The following GOLIM4 variants were observed in gnomAD, a reference collection of about 807,000 sequenced individuals.
GOLIM4 encodes 130 kDa golgi-localized phosphoprotein.
A neutral mutation model predicts 107.4 loss-of-function variants in GOLIM4; 71 were observed. The observed-to-expected ratio is 0.66, with a 90% CI of 0.55 to 0.81. The LOEUF (loss-of-function observed/expected upper bound fraction) is 0.81. Among genes scored for constraint, GOLIM4 ranks in the 30% least tolerant of loss-of-function variants. The pLI is 0.00. For missense variants in GOLIM4, 830 were observed against 826.1 expected (o/e 1.00, Z -0.06); for synonymous variants, 327 against 294.8 (o/e 1.11, Z -1.12).
chr3:168,055,885 A>G (rs1402246920), intron 1 of GOLIM4, among the ~76,000 whole-genome samples: 4 of 152,158 alleles, frequency 2.6e-5, no homozygotes, highest in Non-Finnish European at 5.9e-5. Context: ...AGTTCAGAAA[A>G]TTTGCAGCCT....
chr3:168,047,714 T>C (rs1330777724), intron 2 of GOLIM4, among the ~76,000 whole-genome samples: 2 of 152,226 alleles, frequency 1.3e-5, no homozygotes, highest in Admixed American at 6.5e-5. Context: ...AAGGCCTGTG[T>C]TTTATGGAAA....
intron 14 of GOLIM4, among the ~76,000 whole-genome samples, chr3:168,019,259 G>A (rs1488860773): frequency 6.6e-6 from 1 of 152,112 alleles, no homozygotes; most frequent in Non-Finnish European, 1.5e-5. Context: ...CACCTCCAAT[G>A]TTCAAAAGCT....
intron 14 of GOLIM4, among the ~76,000 whole-genome samples, chr3:168,013,223 A>T (rs1410807133): frequency 1.3e-5 from 2 of 151,654 alleles, no homozygotes; most frequent in East Asian, 3.9e-4. Context: ...AAACAAAAAA[A>T]GGCAGGGGTT....
At chr3:168,093,129 A>T (rs1375057558) in intron 1 of GOLIM4, among the ~76,000 whole-genome samples, 1 of 152,270 alleles carries the variant, frequency 6.6e-6, no homozygotes, top group East Asian at 1.9e-4. Flanking sequence ...AGAAATTTCT[A>T]AAATTTCAAA....
chr3:168,035,848 T>TG (rs1243201993), intron 8 of GOLIM4, among the ~76,000 whole-genome samples: 1 of 150,224 alleles, frequency 6.7e-6, no homozygotes, highest in African/African-American at 2.5e-5. Context: ...TACAGATGAT[T>TG]GGAAAAAAAA....
chr3:168,034,482 A>C (rs559985688), intron 8 of GOLIM4, among the ~76,000 whole-genome samples: 1 of 152,302 alleles, frequency 6.6e-6, no homozygotes, highest in South Asian at 2.1e-4. Flanking sequence ...AAGATACTGA[A>C]CCTGTCTGTT....
Position 168,010,140 on chromosome 3 carries a change from C to T in GOLIM4, c.*129G>A, listed in dbSNP as rs1716908386. On this transcript the variant is annotated 3_prime_UTR_variant, in exon 16 of 16. Coordinates refer to ENST00000470487, the MANE Select transcript of GOLIM4 (RefSeq NM_014498.5). ...TATAAATGTATGCGCATTTCTAATACAAAAGTTTTAAAAAAGTCTAAGTTC... is the reference window on the plus strand; with the variant it reads ...TATAAATGTATGCGCATTTCTAATATAAAAGTTTTAAAAAAGTCTAAGTTC... The T allele has an allele frequency of 4.0e-6, 3 of 758,308 alleles. No individual in the cohort carries two copies. Among genetic ancestry groups the T allele is most frequent in the South Asian group, 5.0e-5 (2 of 39,740 alleles). The allele number at this position is 758,308 out of a possible 1,614,324, so 47.0% of individuals were successfully genotyped here.
chr3:168,017,282 A>T (rs1386427284), intron 14 of GOLIM4, among the ~76,000 whole-genome samples: 4 of 152,060 alleles, frequency 2.6e-5, no homozygotes, highest in Admixed American at 6.6e-5. Context: ...GAGCCCAGGA[A>T]TTTGAGTCCT....
chr3:168,025,661 C>CA lies in GOLIM4; in HGVS notation c.1624-567dup, dbSNP rs1384357256. 2.0e-5 allele frequency among the ~76,000 whole-genome samples: 3 copies of CA among 152,054 alleles called. No individual in the cohort carries two copies. The East Asian group carries it at 5.8e-4, about 29-fold the overall frequency. ...AAATGGTCATTTTCTAGTATGGATC[C>CA]AATTTCTTTATTAACAATCATTCCC... On this transcript the variant is annotated intron_variant, in intron 12 of 15. Transcript: ENST00000470487.
At chr3:168,088,905 G>A (rs149307761) in intron 1 of GOLIM4, among the ~76,000 whole-genome samples, 185 of 152,208 alleles carry the variant, frequency 1.2e-3, no homozygotes, top group Non-Finnish European at 2.2e-3. Flanking sequence ...CAATCTACTT[G>A]GAACTTAAAC....
rs574366890 is a variant in GOLIM4 at position 168,011,462 on chromosome 3, G to C, written c.1861-639C>G. On this transcript the variant is annotated intron_variant, in intron 14 of 15. Coordinates refer to ENST00000470487, the MANE Select transcript of GOLIM4 (RefSeq NM_014498.5). Reference sequence around the variant, plus strand: ...CAAACTGCAAGGCGGCAGCAAGGCTGGGGGAGGGGCGCCCGCCATTGCCCA... The same window carrying C: ...CAAACTGCAAGGCGGCAGCAAGGCTCGGGGAGGGGCGCCCGCCATTGCCCA... Among the ~76,000 whole-genome samples, 37 of 152,070 alleles carry C rather than the reference G, an allele frequency of 2.4e-4. No individual in the cohort carries two copies. The South Asian group carries it at 7.7e-3, about 31-fold the overall frequency.
rs201375757 is a variant in GOLIM4 at position 168,009,426 on chromosome 3, C to CAGACAAAAAAAAAA, written c.*842_*843insTTTTTTTTTTGTCT. The CAGACAAAAAAAAAA allele has an allele frequency of 5.7e-4, 5 of 8,732 alleles. No homozygotes were observed. Among genetic ancestry groups the CAGACAAAAAAAAAA allele is most frequent in the Admixed American group, 1.9e-3 (1 of 530 alleles). 0.5% of individuals were successfully genotyped at this position (8,732 alleles called of 1,614,324 possible). On this transcript the variant is annotated 3_prime_UTR_variant, in exon 16 of 16. Coordinates refer to ENST00000470487, the MANE Select transcript of GOLIM4 (RefSeq NM_014498.5). ...AAACAAGAATATCAATCAATGGCTT[C>CAGACAAAAAAAAAA]AAACAAAAAAAAAAAAAAAAAATTG...
In GOLIM4 at chr3:168,095,239, G is replaced by A. The variant is rs772749326; in HGVS notation, c.47C>T (p.Thr16Met). 2.4e-5 allele frequency: 38 copies of A among 1,613,480 alleles called. No homozygotes were observed. Among genetic ancestry groups the A allele is most frequent in the Admixed American group, 1.7e-5 (1 of 60,002 alleles). The change falls in exon 1 of 16, where the codon ACG becomes ATG. Residue 16 changes from threonine to methionine, a missense_variant. Transcript: ENST00000470487. ...GAACACGACGGTCAGCAGCAGCAGCGTCTGGAAAATCCGCTTCTGCTTTCG... is the reference window on the plus strand; with the variant it reads ...GAACACGACGGTCAGCAGCAGCAGCATCTGGAAAATCCGCTTCTGCTTTCG... ...CSRKQKRIFQTLLLLTVVFGF... is the reference protein window; with the variant it reads ...CSRKQKRIFQMLLLLTVVFGF...
At chr3:168,074,098 G>GGA (rs1720958529) in intron 1 of GOLIM4, among the ~76,000 whole-genome samples, 1 of 152,184 alleles carries the variant, frequency 6.6e-6, no homozygotes, top group African/African-American at 2.4e-5. Flanking sequence ...GGCAACCCGA[G>GGA]GAGGGGCGCA....
chr3:168,017,964 A>G (rs935601593), intron 14 of GOLIM4, among the ~76,000 whole-genome samples: 2 of 152,182 alleles, frequency 1.3e-5, no homozygotes, highest in South Asian at 2.1e-4. Context: ...TTTGTGCTAA[A>G]TAGTCTCTAT....
chr3:168,053,134 A>G (rs974185946), intron 1 of GOLIM4, among the ~76,000 whole-genome samples: 5 of 152,190 alleles, frequency 3.3e-5, no homozygotes, highest in Non-Finnish European at 4.4e-5. Context: ...TCCTACAGCA[A>G]TTTTCCATTT....
intron 8 of GOLIM4, among the ~76,000 whole-genome samples, chr3:168,033,740 G>C (rs1270815278): frequency 7.0e-6 from 1 of 142,996 alleles, no homozygotes; most frequent in Non-Finnish European, 1.5e-5. Context: ...GTAATTATTT[G>C]TAAACCAGCA....
intron 1 of GOLIM4, among the ~76,000 whole-genome samples, chr3:168,070,162 G>A (rs1472298199): frequency 6.6e-6 from 1 of 152,186 alleles, no homozygotes; most frequent in Non-Finnish European, 1.5e-5. Flanking sequence ...GGGAGGCCTA[G>A]GTGGGCGGAT....
At chr3:168,020,223 C>G (rs1717604897) in intron 14 of GOLIM4, among the ~76,000 whole-genome samples, 1 of 152,062 alleles carries the variant, frequency 6.6e-6, no homozygotes, top group South Asian at 2.1e-4. Context: ...CCTTAATTTC[C>G]TGTATGTATG....
Sources: allele counts gnomAD v4.1 joint callset (sites outside exome capture counted in the v4.1 genomes callset), GRCh38; gene constraint gnomAD v4.1.1; transcripts MANE v1.5; gene names NCBI Gene and HGNC (gene_info 2026-07-23, HGNC 2026-07-21).